PTPN3: variants seen among roughly 807,000 people sequenced by gnomAD.
The protein encoded by PTPN3 is protein tyrosine phosphatase non-receptor type 3, also known as tyrosine-protein phosphatase non-receptor type 3.
In PTPN3, 96 loss-of-function variants were observed where a neutral mutation model predicts 132.7. The observed-to-expected ratio is 0.72, with a 90% CI of 0.61 to 0.86. The LOEUF is 0.86. Ranked by LOEUF, PTPN3 falls within the 40% of genes least tolerant of loss-of-function variation. The pLI, the probability that PTPN3 is intolerant of heterozygous loss-of-function variation, is 0.00. For missense variants in PTPN3, 1,125 were observed against 1,159.6 expected (o/e 0.97, Z 0.43); for synonymous variants, 398 against 429.0 (o/e 0.93, Z 0.89).
the PTPN3 span, among the ~76,000 whole-genome samples, chr9:109,529,097 T>A: frequency 6.6e-6 from 1 of 152,180 alleles, no homozygotes; most frequent in Admixed American, 6.5e-5. Context: ...ATTCCTTGTC[T>A]TCCACCCCTT....
chr9:109,480,378 T>G (rs1588495320), intron 1 of PTPN3, among the ~76,000 whole-genome samples: 1 of 152,130 alleles, frequency 6.6e-6, no homozygotes, highest in East Asian at 1.9e-4. Flanking sequence ...TTGCCCAGGC[T>G]CATCTTGAAC....
the PTPN3 span, among the ~76,000 whole-genome samples, chr9:109,503,568 G>A: frequency 6.6e-6 from 1 of 152,056 alleles, no homozygotes; most frequent in Non-Finnish European, 1.5e-5. Context: ...AATTAGCCAG[G>A]TGTGGTGGCA....
chr9:109,467,339 CT>C (rs1846150012), intron 1 of PTPN3, among the ~76,000 whole-genome samples: 2 of 151,986 alleles, frequency 1.3e-5, no homozygotes, highest in African/African-American at 4.8e-5. Flanking sequence ...TCAGAATCAC[CT>C]GAGGAGCTTT....
rs1467760394 is a variant in PTPN3 at position 109,389,286 on chromosome 9, C to A, written c.2200G>T (p.Asp734Tyr). The A allele has an allele frequency of 6.2e-7, 1 of 1,614,088 alleles. No homozygotes were observed. The highest frequency in any genetic ancestry group is 1.7e-5 in the Admixed American group (1 of 60,006). The change falls in exon 22 of 26, where the codon GAT becomes TAT. Residue 734 changes from aspartate to tyrosine, a missense_variant. Transcript: ENST00000374541. The stretch of plus-strand genomic sequence containing the variant: ...ATGACAATGAGTGACAACTTCTGAT[C>A]CCAGACAACCTGCCAAAACTGTGCA... ...TCAQFWQVVW[D>Y]QKLSLIVMLT...
intron 1 of PTPN3, among the ~76,000 whole-genome samples, chr9:109,472,780 CTT>C (rs1264697270): frequency 6.6e-6 from 1 of 152,148 alleles, no homozygotes; most frequent in East Asian, 1.9e-4. Flanking sequence ...AATACACTAA[CTT>C]ATTTTTAAAA....
intron 4 of PTPN3, 35 bp downstream of exon 4, chr9:109,457,138 C>G (rs1024382035): frequency 4.4e-6 from 7 of 1,603,052 alleles, no homozygotes; most frequent in South Asian, 1.1e-5. Context: ...ACACTAACAC[C>G]TAATGTTCGA....
intron 17 of PTPN3, 64 bp from the exon 18 acceptor site, chr9:109,406,682 T>G: frequency 1.9e-6 from 3 of 1,580,222 alleles, no homozygotes; most frequent in Non-Finnish European, 2.6e-6. Context: ...GGAAGAACGC[T>G]GACTCGCTCT....
At chr9:109,443,815 G>A (rs1844659361) in intron 7 of PTPN3, among the ~76,000 whole-genome samples, 1 of 152,200 alleles carries the variant, frequency 6.6e-6, no homozygotes, top group African/African-American at 2.4e-5. Flanking sequence ...TCCCACTAAG[G>A]AGGAGGCGAT....
At chr9:109,409,811 A>G (rs903979298) in intron 16 of PTPN3, among the ~76,000 whole-genome samples, 188 bp downstream of exon 16, 2 of 152,158 alleles carry the variant, frequency 1.3e-5, no homozygotes, top group African/African-American at 4.8e-5. Flanking sequence ...AGTTTTTAAA[A>G]AAAAACAAAA....
rs1843449235 is a variant in PTPN3 at position 109,428,642 on chromosome 9, G to A, written c.807C>T (p.Phe269=). Residue 269 remains phenylalanine (F), a synonymous_variant, in exon 11 of 26, where the codon TTC becomes TTT. Transcript: ENST00000374541. ...LKISFKRKKF[F]IHQRQKQAES... is the part of the protein sequence containing the mutation. ...TCACCTGTTTCTGTCGCTGATGTAT[G>A]AAGAACTTTTTCCTTTTGAAAGAAA... 6.2e-7 allele frequency: 1 copy of A among 1,613,652 alleles called. No individual in the cohort carries two copies. The highest frequency in any genetic ancestry group is 1.3e-5 in the African/African-American group (1 of 74,906).
At chr9:109,434,130 A>C (rs1414344253) in intron 9 of PTPN3, among the ~76,000 whole-genome samples, 1 of 152,060 alleles carries the variant, frequency 6.6e-6, no homozygotes, top group Non-Finnish European at 1.5e-5. Flanking sequence ...CCAATCAGAT[A>C]CTTGGTTTTT....
At chr9:109,393,756 G>GT (rs1266553475) in intron 19 of PTPN3, among the ~76,000 whole-genome samples, 1 of 152,122 alleles carries the variant, frequency 6.6e-6, no homozygotes, top group Non-Finnish European at 1.5e-5. Flanking sequence ...TGTGTTTGCA[G>GT]TTTGAATAGG....
chr9:109,522,197 C>T, the PTPN3 span, among the ~76,000 whole-genome samples: 1 of 152,198 alleles, frequency 6.6e-6, no homozygotes, highest in Non-Finnish European at 1.5e-5. Flanking sequence ...GGGCAGCTAT[C>T]TAGGCTTCTA....
At chr9:109,518,657 G>T in the PTPN3 span, among the ~76,000 whole-genome samples, 1 of 152,134 alleles carries the variant, frequency 6.6e-6, no homozygotes, top group Admixed American at 6.5e-5. Flanking sequence ...AGGAACACTT[G>T]TTGGAGTAAT....
intron 7 of PTPN3, among the ~76,000 whole-genome samples, chr9:109,439,428 T>C (rs1376132099): frequency 4.6e-5 from 7 of 152,210 alleles, no homozygotes; most frequent in African/African-American, 1.7e-4. Flanking sequence ...TTTCTTCCTG[T>C]AGCTCGCTGC....
intron 12 of PTPN3, among the ~76,000 whole-genome samples, chr9:109,425,741 G>A (rs952114592): frequency 1.4e-4 from 21 of 151,956 alleles, no homozygotes; most frequent in Non-Finnish European, 2.8e-4. Context: ...GGCTGGGCAC[G>A]GTGGCTCATG....
chr9:109,477,143 G>A (rs942160510), intron 1 of PTPN3, among the ~76,000 whole-genome samples: 30 of 152,194 alleles, frequency 2.0e-4, no homozygotes, highest in African/African-American at 6.5e-4. Flanking sequence ...ACGTGACTGG[G>A]AGGCAGACGA....
At chr9:109,465,529 G>A (rs1212691154) in intron 1 of PTPN3, among the ~76,000 whole-genome samples, 1 of 151,918 alleles carries the variant, frequency 6.6e-6, no homozygotes, top group Non-Finnish European at 1.5e-5. Flanking sequence ...GGCCAACATG[G>A]TGAAATTTCA....
Position 109,410,076 on chromosome 9 carries a change from T to G in PTPN3, c.1501A>C (p.Asn501His). Residue 501 changes from asparagine (N) to histidine (H), a missense_variant and splice_region_variant, in exon 16 of 26, where the codon AAT becomes CAT. Transcript: ENST00000374541. ...ACTAAGTAGCTGTCACCATTATCATTCTGGAAAACGGTTTGAAAGTGGTCA... is the reference window on the plus strand; with the variant it reads ...ACTAAGTAGCTGTCACCATTATCATGCTGGAAAACGGTTTGAAAGTGGTCA... ...EDASQYYCDKNDNGDSYLVLI... is the reference protein window; with the variant it reads ...EDASQYYCDKHDNGDSYLVLI... 1 of 1,614,204 alleles carries G rather than the reference T, an allele frequency of 6.2e-7. No homozygotes were observed. Among genetic ancestry groups the G allele is most frequent in the East Asian group, 2.2e-5 (1 of 44,876 alleles).
Sources: allele counts gnomAD v4.1 joint callset (sites outside exome capture counted in the v4.1 genomes callset), GRCh38; gene constraint gnomAD v4.1.1; transcripts MANE v1.5; gene names NCBI Gene and HGNC (gene_info 2026-07-23, HGNC 2026-07-21).